The following SLC9A9 variants were observed in gnomAD, a reference collection of about 807,000 sequenced individuals.
SLC9A9 encodes sodium/hydrogen exchanger 9.
SLC9A9 carries 62 observed loss-of-function variants against 77.8 expected under a neutral mutation model. The observed-to-expected ratio is 0.80, with a 90% CI of 0.65 to 0.98. The LOEUF (loss-of-function observed/expected upper bound fraction) is 0.98, where lower values mean the gene tolerates loss of function less well. Among genes scored for constraint, SLC9A9 ranks in the 50% least tolerant of loss-of-function variants. SLC9A9 has a pLI of 0.00. For missense variants in SLC9A9, 775 were observed against 774.9 expected (o/e 1.00, Z 0.00); for synonymous variants, 320 against 283.5 (o/e 1.13, Z -1.29).
chr3:143,633,706 T>C (rs1331058835), intron 6 of SLC9A9, among the ~76,000 whole-genome samples: 1 of 152,198 alleles, frequency 6.6e-6, no homozygotes, highest in Non-Finnish European at 1.5e-5. Flanking sequence ...ACATTGAACA[T>C]ATCTATAGCT....
chr3:143,644,354 G>A (rs1194917446), intron 6 of SLC9A9, among the ~76,000 whole-genome samples: 1 of 152,232 alleles, frequency 6.6e-6, no homozygotes, highest in East Asian at 1.9e-4. Flanking sequence ...CTTGACACGA[G>A]CAAAGCAAGT....
chr3:143,307,002 C>CTCAGTGGGG (rs2030816033), intron 14 of SLC9A9, among the ~76,000 whole-genome samples: 1 of 152,186 alleles, frequency 6.6e-6, no homozygotes, highest in Admixed American at 6.5e-5. Context: ...AGGTCCTCCC[C>CTCAGTGGGG]ACTCTCTGTC....
intron 9 of SLC9A9, among the ~76,000 whole-genome samples, chr3:143,496,831 T>A (rs370058365): frequency 8.5e-5 from 13 of 152,342 alleles, no homozygotes; most frequent in African/African-American, 3.1e-4. Flanking sequence ...ATATACTGAA[T>A]GGCTTAAACA....
At chr3:143,365,430 AAAAG>A (rs1227131436) in intron 13 of SLC9A9, among the ~76,000 whole-genome samples, 2 of 152,170 alleles carry the variant, frequency 1.3e-5, no homozygotes, top group Non-Finnish European at 2.9e-5. Context: ...TAAAAGTTAA[AAAAG>A]AAAGGAAAAT....
chr3:143,436,216 G>A (rs139530365), intron 12 of SLC9A9, among the ~76,000 whole-genome samples: 6 of 152,288 alleles, frequency 3.9e-5, no homozygotes, highest in East Asian at 1.9e-4. Flanking sequence ...ATGCGACCTC[G>A]TCTTGCGAGC....
At chr3:143,427,775 TTCTCAGTCATG>T (rs2034433087) in intron 12 of SLC9A9, among the ~76,000 whole-genome samples, 2 of 152,214 alleles carry the variant, frequency 1.3e-5, no homozygotes, top group Admixed American at 1.3e-4. Context: ...GCTGATATTT[TTCTCAGTCATG>T]TCTCCTGGGG....
chr3:143,303,697 A>G (rs1475868824), intron 14 of SLC9A9, among the ~76,000 whole-genome samples: 1 of 152,216 alleles, frequency 6.6e-6, no homozygotes, highest in African/African-American at 2.4e-5. Flanking sequence ...TTCATGTGAC[A>G]CACTTAATAG....
intron 5 of SLC9A9, among the ~76,000 whole-genome samples, chr3:143,666,036 G>A (rs2039059894): frequency 6.6e-6 from 1 of 152,254 alleles, no homozygotes. Context: ...TACAAAAAAA[G>A]AGACTTTTAG....
intron 3 of SLC9A9, among the ~76,000 whole-genome samples, chr3:143,795,904 G>A (rs1242724300): frequency 2.0e-5 from 3 of 152,116 alleles, no homozygotes; most frequent in Non-Finnish European, 4.4e-5. Context: ...CCAGTTTTTT[G>A]AGTGGGATCT....
At chr3:143,763,018 T>C (rs2007187426) in intron 4 of SLC9A9, among the ~76,000 whole-genome samples, 1 of 152,100 alleles carries the variant, frequency 6.6e-6, no homozygotes, top group African/African-American at 2.4e-5. Flanking sequence ...TGGACTCCAT[T>C]TGTGAAAAAG....
chr3:143,457,559 T>C (rs550478837), intron 12 of SLC9A9, among the ~76,000 whole-genome samples: 14 of 152,166 alleles, frequency 9.2e-5, no homozygotes, highest in Admixed American at 3.3e-4. Context: ...GATTGTTCAT[T>C]TGAAAACTTT....
intron 6 of SLC9A9, among the ~76,000 whole-genome samples, chr3:143,626,002 G>A (rs1234298833): frequency 6.6e-6 from 1 of 152,134 alleles, no homozygotes; most frequent in Non-Finnish European, 1.5e-5. Flanking sequence ...GCAGCCAAAA[G>A]ACACAGGAAA....
chr3:143,784,210 G>C (rs76886245), intron 4 of SLC9A9, among the ~76,000 whole-genome samples: 1 of 152,128 alleles, frequency 6.6e-6, no homozygotes, highest in African/African-American at 2.4e-5. Flanking sequence ...TCAAGTTTCC[G>C]TGAATACCCT....
chr3:143,756,562 A>G (rs964192246), intron 4 of SLC9A9, among the ~76,000 whole-genome samples: 2 of 152,220 alleles, frequency 1.3e-5, no homozygotes, highest in Admixed American at 1.3e-4. Flanking sequence ...TATTTTCAAA[A>G]GTATTTATTG....
chr3:143,791,380 G>A (rs1422842837), intron 4 of SLC9A9, among the ~76,000 whole-genome samples: 1 of 152,168 alleles, frequency 6.6e-6, no homozygotes, highest in African/African-American at 2.4e-5. Context: ...CTCCATTCCT[G>A]TAAAGCATCT....
intron 12 of SLC9A9, among the ~76,000 whole-genome samples, chr3:143,448,831 A>G (rs908948890): frequency 8.1e-6 from 1 of 122,776 alleles, no homozygotes; most frequent in African/African-American, 3.1e-5. Context: ...AATTTATTTT[A>G]TATATAATTA....
At chr3:143,491,418 C>T (rs1273980238) in intron 11 of SLC9A9, among the ~76,000 whole-genome samples, 1 of 152,042 alleles carries the variant, frequency 6.6e-6, no homozygotes, top group Non-Finnish European at 1.5e-5. Flanking sequence ...GCAAAAACAG[C>T]CGTAGACAGT....
intron 2 of SLC9A9, among the ~76,000 whole-genome samples, chr3:143,816,230 G>A (rs1240081025): frequency 1.3e-5 from 2 of 152,070 alleles, no homozygotes; most frequent in Non-Finnish European, 2.9e-5. Context: ...TCGAGACAGG[G>A]TCTTGCTTTG....
At chr3:143,798,032 A>C (rs1267633524) in intron 2 of SLC9A9, among the ~76,000 whole-genome samples, 1 of 152,108 alleles carries the variant, frequency 6.6e-6, no homozygotes, top group Non-Finnish European at 1.5e-5. Context: ...TCCACCTACG[A>C]CCTCTGGTCC....
Sources: allele counts gnomAD v4.1 joint callset (sites outside exome capture counted in the v4.1 genomes callset), GRCh38; gene constraint gnomAD v4.1.1; transcripts MANE v1.5; gene names NCBI Gene and HGNC (gene_info 2026-07-23, HGNC 2026-07-21).